The following PPP2R2B variants were observed in gnomAD, a reference collection of about 807,000 sequenced individuals.
PPP2R2B encodes the protein serine/threonine-protein phosphatase 2A 55 kDa regulatory subunit B beta isoform.
Under a neutral mutation model 46.0 loss-of-function variants are expected in PPP2R2B, and 5 were observed. That is an observed-to-expected ratio of 0.11 (90% CI 0.06 to 0.23). The LOEUF is 0.23. PPP2R2B is among the 10% of genes least tolerant of loss of function. The pLI, the probability that PPP2R2B is intolerant of heterozygous loss-of-function variation, is 1.00. For missense variants in PPP2R2B, 367 were observed against 575.0 expected (o/e 0.64, Z 3.70); for synonymous variants, 215 against 206.7 (o/e 1.04, Z -0.34).
chr5:146,901,270 T>C (rs1054630238), intron 1 of PPP2R2B, among the ~76,000 whole-genome samples: 1 of 152,140 alleles, frequency 6.6e-6, no homozygotes, highest in Non-Finnish European at 1.5e-5. Flanking sequence ...GAGGCTGATG[T>C]GGGAGGATCC....
intron 2 of PPP2R2B, among the ~76,000 whole-genome samples, chr5:147,075,509 G>T (rs1757736958): frequency 6.6e-6 from 1 of 151,998 alleles, no homozygotes; most frequent in Non-Finnish European, 1.5e-5. Context: ...GTCTCTCTAA[G>T]ACATATATAT....
At chr5:146,904,668 A>T (rs2151800736) in intron 1 of PPP2R2B, among the ~76,000 whole-genome samples, 1 of 152,330 alleles carries the variant, frequency 6.6e-6, no homozygotes, top group East Asian at 1.9e-4. Flanking sequence ...CTGTAGCCTC[A>T]GTATAGAATG....
intron 5 of PPP2R2B, among the ~76,000 whole-genome samples, chr5:146,654,108 G>A (rs1776166641): frequency 6.6e-6 from 1 of 152,172 alleles, no homozygotes. Flanking sequence ...AATTGTTAAG[G>A]TTGTCTCTGG....
intron 1 of PPP2R2B, chr5:147,035,328 C>T (rs146643995): frequency 1.2e-4 from 39 of 314,718 alleles, no homozygotes; most frequent in African/African-American, 3.7e-4. Context: ...AACTCTATCA[C>T]GAGAACAGCA....
At chr5:147,050,927 T>C (rs970348281) in intron 1 of PPP2R2B, among the ~76,000 whole-genome samples, 4 of 152,000 alleles carry the variant, frequency 2.6e-5, no homozygotes, top group Admixed American at 6.6e-5. Flanking sequence ...GCATTGTTGA[T>C]AGAATATGGG....
intron 1 of PPP2R2B, among the ~76,000 whole-genome samples, chr5:147,049,820 C>G (rs1580856092): frequency 1.3e-5 from 2 of 152,130 alleles, no homozygotes; most frequent in East Asian, 3.9e-4. Context: ...CTCACAAGAG[C>G]AATTTTGGTG....
chr5:146,778,772 C>T (rs1273576170), intron 2 of PPP2R2B, among the ~76,000 whole-genome samples: 1 of 152,196 alleles, frequency 6.6e-6, no homozygotes, highest in Non-Finnish European at 1.5e-5. Flanking sequence ...ACAGAAGGCA[C>T]ATTTAAGTAA....
chr5:146,840,347 AAT>A (rs1484614125), intron 2 of PPP2R2B, among the ~76,000 whole-genome samples: 1 of 152,230 alleles, frequency 6.6e-6, no homozygotes, highest in African/African-American at 2.4e-5. Context: ...TCGAAAAGAA[AAT>A]ATAATACTAT....
intron 2 of PPP2R2B, among the ~76,000 whole-genome samples, chr5:146,740,573 T>TCACACACA (rs3995489): frequency 5.3e-4 from 73 of 138,104 alleles, no homozygotes; most frequent in East Asian, 2.4e-3. Flanking sequence ...TAAAATGAGA[T>TCACACACA]CACACACACA....
upstream of PPP2R2B, among the ~76,000 whole-genome samples, chr5:147,060,640 G>A (rs368236266): frequency 1.5e-3 from 228 of 152,024 alleles, no homozygotes; most frequent in African/African-American, 5.3e-3. Context: ...TTAAAAAAAA[G>A]AAACAACAAA....
At chr5:146,830,032 T>C (rs1448148935) in intron 2 of PPP2R2B, among the ~76,000 whole-genome samples, 1 of 152,182 alleles carries the variant, frequency 6.6e-6, no homozygotes, top group Non-Finnish European at 1.5e-5. Flanking sequence ...ATGTAAGATA[T>C]TCTATGCAAA....
At chr5:146,638,575 C>G (rs1774979754) in intron 6 of PPP2R2B, among the ~76,000 whole-genome samples, 160 bp from the exon 7 acceptor site, 2 of 152,166 alleles carry the variant, frequency 1.3e-5, no homozygotes. Context: ...AGATGAGGCT[C>G]AGGAACTTTA....
chr5:146,694,225 C>T (rs1779045148), intron 4 of PPP2R2B, among the ~76,000 whole-genome samples: 2 of 152,154 alleles, frequency 1.3e-5, no homozygotes, highest in South Asian at 2.1e-4. Context: ...GGCAAGGCTG[C>T]TAAGTGTATG....
At chr5:146,780,558 A>G (rs891597091) in intron 2 of PPP2R2B, among the ~76,000 whole-genome samples, 13 of 152,206 alleles carry the variant, frequency 8.5e-5, no homozygotes, top group Admixed American at 8.5e-4. Context: ...TTCTACAATT[A>G]TCTTTGGCAT....
intron 5 of PPP2R2B, among the ~76,000 whole-genome samples, chr5:146,674,202 A>T (rs570335505): frequency 1.3e-5 from 2 of 152,304 alleles, no homozygotes; most frequent in South Asian, 4.1e-4. Context: ...AACAAGTCCT[A>T]TGAGATACTT....
In PPP2R2B at chr5:146,584,908, T is replaced by C. The variant is rs1233175647; in HGVS notation, c.*5039A>G. ...ATGTTGGTCTACCTATTGGAAACGC[T>C]GTATCATGCTTTGTTGAGCAAATTT... On this transcript the variant is annotated 3_prime_UTR_variant, in exon 10 of 10. Transcript: ENST00000394411. 6.6e-6 allele frequency: 1 copy of C among 152,224 alleles called. No homozygotes were observed. The highest frequency in any genetic ancestry group is 2.4e-5 in the African/African-American group (1 of 41,454). The allele number at this position is 152,224 out of a possible 1,614,324, so 9.4% of individuals were successfully genotyped here. A position where few individuals can be genotyped will look rare whatever the true frequency, so the allele number is the denominator to read the frequency against.
intron 1 of PPP2R2B, among the ~76,000 whole-genome samples, chr5:147,033,401 G>A (rs1755887970): frequency 1.3e-5 from 2 of 152,154 alleles, no homozygotes; most frequent in African/African-American, 2.4e-5. Context: ...AACATAAGTT[G>A]CATTGGAACA....
intron 1 of PPP2R2B, among the ~76,000 whole-genome samples, chr5:147,008,040 C>T (rs1754529961): frequency 1.3e-5 from 2 of 152,112 alleles, no homozygotes; most frequent in African/African-American, 2.4e-5. Flanking sequence ...ACCTTTGGAT[C>T]GATTCTTCTT....
chr5:146,955,114 T>A (rs1388934814), intron 1 of PPP2R2B, among the ~76,000 whole-genome samples: 3 of 152,104 alleles, frequency 2.0e-5, no homozygotes, highest in Non-Finnish European at 4.4e-5. Flanking sequence ...AAACCATAAT[T>A]TAAACATAAG....
Sources: allele counts gnomAD v4.1 joint callset (sites outside exome capture counted in the v4.1 genomes callset), GRCh38; gene constraint gnomAD v4.1.1; transcripts MANE v1.5; gene names NCBI Gene and HGNC (gene_info 2026-07-23, HGNC 2026-07-21).